The following MYH10 variants were observed in gnomAD, a reference collection of about 807,000 sequenced individuals.
MYH10 encodes myosin-10.
Under a neutral mutation model 257.8 loss-of-function variants are expected in MYH10, and 55 were observed. The observed-to-expected ratio is 0.21, with a 90% CI of 0.17 to 0.27. MYH10 has a LOEUF of 0.27. Among genes scored for constraint, MYH10 ranks in the 10% least tolerant of loss-of-function variants. The pLI is 1.00. For synonymous variants in MYH10, 854 were observed against 921.7 expected, an observed-to-expected ratio of 0.93 and a Z score of 1.33; for missense variants, 1,631 against 2,500.6, an observed-to-expected ratio of 0.65 and a Z score of 7.42.
At chr17:8,513,271 C>T (rs1338719713) in intron 23 of MYH10, among the ~76,000 whole-genome samples, 1 of 152,192 alleles carries the variant, frequency 6.6e-6, no homozygotes, top group Non-Finnish European at 1.5e-5. Flanking sequence ...GTGTTAAGTA[C>T]ATGCTTGACA....
At chr17:8,493,654 G>A in intron 32 of MYH10, 79 bp downstream of exon 32, 3 of 1,486,050 alleles carry the variant, frequency 2.0e-6, no homozygotes, top group Non-Finnish European at 2.7e-6. Context: ...ATGGAGCTGA[G>A]ACAGCCCAGC....
intron 3 of MYH10, among the ~76,000 whole-genome samples, chr17:8,591,412 C>T (rs2084134022): frequency 1.3e-5 from 2 of 152,152 alleles, no homozygotes; most frequent in Non-Finnish European, 2.9e-5. Flanking sequence ...AGCTCTGCCA[C>T]AAACTGTGTA....
intron 34 of MYH10, among the ~76,000 whole-genome samples, chr17:8,491,206 G>C (rs975613712): frequency 9.9e-5 from 15 of 152,198 alleles, no homozygotes; most frequent in Admixed American, 3.3e-4. Flanking sequence ...CAGTTCTCAC[G>C]GGGACAGGCG....
intron 2 of MYH10, among the ~76,000 whole-genome samples, chr17:8,612,634 C>T (rs1597976733): frequency 2.0e-5 from 3 of 152,066 alleles, no homozygotes; most frequent in South Asian, 2.1e-4. Flanking sequence ...GGGCAGATCA[C>T]GAGGTCAGGA....
intron 3 of MYH10, among the ~76,000 whole-genome samples, chr17:8,601,833 C>G (rs935371308): frequency 1.3e-5 from 2 of 152,154 alleles, no homozygotes; most frequent in Non-Finnish European, 2.9e-5. Flanking sequence ...ATTAAGCTAG[C>G]TTCCTGCTTT....
chr17:8,535,460 G>C lies in MYH10; in HGVS notation c.1821C>G (p.Asp607Glu), dbSNP rs776035070. ...GGGTGGCCACGTTGTCATTCAGGGG[G>C]TCCATATTCTTCATCAGCCACTCAT... is the stretch of plus-strand genomic sequence containing the variant. ...KADEWLMKNM[D>E]PLNDNVATLL... The change falls in exon 16 of 43, where the codon GAC becomes GAG. Residue 607 changes from aspartate to glutamate, a missense_variant. Coordinates refer to ENST00000360416, the MANE Select transcript of MYH10 (RefSeq NM_001256012.3). This position sits in a 1 kb window ranked among gnomAD's most constrained non-coding sequence, Gnocchi z 4.3. 1.2e-6 allele frequency: 2 copies of C among 1,613,906 alleles called. No homozygotes were observed. The highest frequency in any genetic ancestry group is 4.5e-5 in the East Asian group (2 of 44,862).
chr17:8,591,649 GCCT>G (rs914534123), intron 3 of MYH10, among the ~76,000 whole-genome samples: 50 of 152,032 alleles, frequency 3.3e-4, no homozygotes, highest in Middle Eastern at 3.2e-3. Flanking sequence ...AAATCGAATT[GCCT>G]CCTAATTCAT....
At chr17:8,629,477 G>A (rs1293361357) in intron 1 of MYH10, among the ~76,000 whole-genome samples, 2 of 152,012 alleles carry the variant, frequency 1.3e-5, no homozygotes, top group Admixed American at 6.6e-5. Context: ...CTGACCCGCC[G>A]AGTCGCCAAC....
At chr17:8,510,439 T>C (rs1349581337) in intron 24 of MYH10, among the ~76,000 whole-genome samples, 3 of 152,172 alleles carry the variant, frequency 2.0e-5, no homozygotes, top group Non-Finnish European at 4.4e-5. Flanking sequence ...TGGCAAAACA[T>C]AGCTTTAAAA....
At chr17:8,517,734 C>T (rs1448551221) in intron 21 of MYH10, among the ~76,000 whole-genome samples, 8 of 152,206 alleles carry the variant, frequency 5.3e-5, no homozygotes, top group African/African-American at 1.9e-4. Flanking sequence ...GCCAGGCGGC[C>T]TTGACAGTAT....
intron 7 of MYH10, among the ~76,000 whole-genome samples, chr17:8,563,904 AAAAG>A (rs1472321163): frequency 6.6e-6 from 1 of 152,118 alleles, no homozygotes; most frequent in East Asian, 1.9e-4. Context: ...AAAAAAAAAA[AAAAG>A]AGAGAGAGAA....
chr17:8,478,773 C>A (rs1046724323), intron 40 of MYH10, among the ~76,000 whole-genome samples: 2 of 152,194 alleles, frequency 1.3e-5, no homozygotes, highest in Non-Finnish European at 2.9e-5. Flanking sequence ...CTCTGTCGCC[C>A]AGGCTGGGGT....
intron 37 of MYH10, among the ~76,000 whole-genome samples, chr17:8,482,778 A>T (rs1478201899): frequency 1.3e-5 from 2 of 152,240 alleles, no homozygotes; most frequent in Non-Finnish European, 2.9e-5. Flanking sequence ...CAGAAAAAAC[A>T]GTGTGGTACA....
chr17:8,482,372 A>T (rs1349224209), intron 37 of MYH10, among the ~76,000 whole-genome samples: 1 of 152,186 alleles, frequency 6.6e-6, no homozygotes, highest in African/African-American at 2.4e-5. Flanking sequence ...GTGTAGGCTG[A>T]AGGTCCTCTG....
chr17:8,551,046 T>C (rs1030936578), intron 9 of MYH10, among the ~76,000 whole-genome samples: 23 of 151,126 alleles, frequency 1.5e-4, no homozygotes, highest in African/African-American at 5.6e-4. Context: ...CGGAGACCTT[T>C]GTTCACTTGT....
chr17:8,490,507 C>T lies in MYH10; in HGVS notation c.4717G>A (p.Glu1573Lys). Residue 1573 changes from glutamate to lysine, a missense_variant, in exon 35 of 43, where the codon GAG (glutamate) becomes AAG (lysine). Transcript: ENST00000360416. The surrounding 1 kb of genome is among the most constrained non-coding windows in gnomAD (Gnocchi z 4.1). ...TCCTCCAGCTGGGTCCTCATTTCCT[C>T]CACCTGCTGCTCTAGGGCCCGTTTG... The part of the protein sequence containing the change: ...KSKRALEQQV[E>K]EMRTQLEELE... 1 of 1,614,214 alleles carries T rather than the reference C, an allele frequency of 6.2e-7. No homozygotes were observed. The highest frequency in any genetic ancestry group is 8.5e-7 in the Non-Finnish European group (1 of 1,180,032).
intron 30 of MYH10, among the ~76,000 whole-genome samples, chr17:8,497,980 C>CTT (rs71159593): frequency 0.9 from 92,776 of 103,392 alleles, 42,717 homozygotes; most frequent in South Asian, 0.98. Context: ...AATACTATGC[C>CTT]TTTTTTTTTT....
chr17:8,577,769 T>G (rs1458743659), intron 4 of MYH10, among the ~76,000 whole-genome samples: 1 of 152,168 alleles, frequency 6.6e-6, no homozygotes, highest in African/African-American at 2.4e-5. Context: ...TGGCCTCAAG[T>G]GATCTGCTCA....
At position 8,545,595 on chromosome 17, in the gene MYH10, A is replaced by T; in HGVS notation, c.1284T>A (p.Asp428Glu). 1 of 1,608,892 alleles carries T rather than the reference A, an allele frequency of 6.2e-7. No homozygotes were observed. Among genetic ancestry groups the T allele is most frequent in the Non-Finnish European group, 8.5e-7 (1 of 1,178,748 alleles). ...VQKAQTKEQA[D>E]FAVEALAKAT... The stretch of plus-strand genomic sequence containing the variant: ...CTTTTGCCAATGCTTCTACTGCAAA[A>T]TCTGCCTGTAATTAAATCACAACAA... The change falls in exon 13 of 43, where the codon GAT (aspartate) becomes GAA (glutamate). Residue 428 changes from aspartate (D) to glutamate (E), a missense_variant. This residue lies in a region of MYH10 where 360 missense variants were observed against 581.9 expected (regional missense o/e 0.62). Transcript: ENST00000360416. The surrounding 1 kb of genome is among the most constrained non-coding windows in gnomAD (Gnocchi z 4.7).
Sources: allele counts gnomAD v4.1 joint callset (sites outside exome capture counted in the v4.1 genomes callset), GRCh38; gene constraint gnomAD v4.1.1; regional missense constraint gnomAD v4.1.1; non-coding constraint Gnocchi (gnomAD v3.1); transcripts MANE v1.5; gene names NCBI Gene and HGNC (gene_info 2026-07-23, HGNC 2026-07-21).